The following STARD13 variants were observed in gnomAD, a reference collection of about 807,000 sequenced individuals.
STARD13 encodes the protein stAR-related lipid transfer protein 13.
In STARD13, 62 loss-of-function variants were observed where a neutral mutation model predicts 106.4. That is an observed-to-expected ratio of 0.58 (90% CI 0.48 to 0.72). The LOEUF (loss-of-function observed/expected upper bound fraction) is 0.72. STARD13 is among the 30% of genes least tolerant of loss of function. STARD13 has a pLI of 0.00. For missense variants in STARD13, 1,387 were observed against 1,424.0 expected (o/e 0.97, Z 0.42); for synonymous variants, 565 against 553.0 (o/e 1.02, Z -0.31).
At chr13:33,653,189 G>A in the STARD13 span, among the ~76,000 whole-genome samples, 2 of 152,088 alleles carry the variant, frequency 1.3e-5, no homozygotes, top group African/African-American at 2.4e-5. Context: ...TAAAATTCAC[G>A]GAGAAATTCA....
At chr13:33,370,243 A>C in the STARD13 span, among the ~76,000 whole-genome samples, 2 of 152,230 alleles carry the variant, frequency 1.3e-5, no homozygotes, top group South Asian at 4.1e-4. Flanking sequence ...AAACAGCTAT[A>C]CTAACCACCT....
intron 1 of STARD13, among the ~76,000 whole-genome samples, chr13:33,319,541 T>C (rs1331945101): frequency 6.6e-6 from 1 of 152,226 alleles, no homozygotes; most frequent in East Asian, 1.9e-4. Context: ...GAATTTTATC[T>C]AAAAATTTAT....
chr13:33,377,411 G>A, the STARD13 span, among the ~76,000 whole-genome samples: 1,434 of 152,182 alleles, frequency 9.4e-3, 27 homozygotes, highest in African/African-American at 0.032. Context: ...GATACTGAAT[G>A]GAAAAAATAC....
intron 1 of STARD13, among the ~76,000 whole-genome samples, chr13:33,349,783 C>A (rs956562883): frequency 2.0e-5 from 3 of 152,354 alleles, no homozygotes; most frequent in Non-Finnish European, 2.9e-5. Context: ...TCACATCCCC[C>A]CCTCTACCCC....
chr13:33,636,492 G>A, the STARD13 span, among the ~76,000 whole-genome samples: 5 of 152,166 alleles, frequency 3.3e-5, no homozygotes, highest in South Asian at 2.1e-4. Flanking sequence ...GGCATAAACC[G>A]GGACTCTCCC....
the STARD13 span, among the ~76,000 whole-genome samples, chr13:33,548,136 A>G: frequency 6.6e-6 from 1 of 152,180 alleles, no homozygotes; most frequent in Non-Finnish European, 1.5e-5. Flanking sequence ...TTGATAAGTA[A>G]TGCTAGGTGA....
the STARD13 span, among the ~76,000 whole-genome samples, chr13:33,541,666 C>T: frequency 1.3e-5 from 2 of 151,974 alleles, no homozygotes; most frequent in Admixed American, 1.3e-4. Flanking sequence ...CTGGCTTTTA[C>T]AAGGATTGTT....
At chr13:33,590,860 CA>C in the STARD13 span, among the ~76,000 whole-genome samples, 1 of 152,002 alleles carries the variant, frequency 6.6e-6, no homozygotes, top group South Asian at 2.1e-4. Context: ...TATAATTAAA[CA>C]AAAAAATAAT....
intron 1 of STARD13, among the ~76,000 whole-genome samples, chr13:33,225,061 G>A (rs1331846817): frequency 6.6e-6 from 1 of 151,952 alleles, no homozygotes; most frequent in Non-Finnish European, 1.5e-5. Context: ...AACTTTTTTG[G>A]ATGACAATAT....
the STARD13 span, among the ~76,000 whole-genome samples, chr13:33,554,653 T>C: frequency 6.6e-6 from 1 of 152,236 alleles, no homozygotes; most frequent in African/African-American, 2.4e-5. Context: ...TTAGGCACAC[T>C]GAAGATATAA....
At chr13:33,133,944 G>C (rs959760371) in intron 4 of STARD13, among the ~76,000 whole-genome samples, 1 of 150,460 alleles carries the variant, frequency 6.6e-6, no homozygotes, top group African/African-American at 2.4e-5. Flanking sequence ...GATTTCATCT[G>C]TTTGATAATT....
At chr13:33,588,224 A>G in the STARD13 span, among the ~76,000 whole-genome samples, 9 of 152,250 alleles carry the variant, frequency 5.9e-5, no homozygotes, top group Admixed American at 4.6e-4. Flanking sequence ...TACAGCCCCC[A>G]AAAAAGTACC....
At chr13:33,575,329 A>G in the STARD13 span, among the ~76,000 whole-genome samples, 1 of 152,186 alleles carries the variant, frequency 6.6e-6, no homozygotes, top group Non-Finnish European at 1.5e-5. Flanking sequence ...ATTTGGACAA[A>G]TTATTTTACC....
the STARD13 span, among the ~76,000 whole-genome samples, chr13:33,640,415 G>A: frequency 6.6e-6 from 1 of 152,148 alleles, no homozygotes; most frequent in Non-Finnish European, 1.5e-5. Context: ...TTATGAATCA[G>A]CTGAGGAAAA....
chr13:33,207,051 A>T (rs936698482), intron 1 of STARD13, among the ~76,000 whole-genome samples: 1 of 152,242 alleles, frequency 6.6e-6, no homozygotes, highest in Non-Finnish European at 1.5e-5. Flanking sequence ...TATTTTCAAC[A>T]ACAGAGAGAA....
At chr13:33,294,319 C>A (rs1311259026) in intron 1 of STARD13, among the ~76,000 whole-genome samples, 3 of 152,206 alleles carry the variant, frequency 2.0e-5, no homozygotes, top group African/African-American at 7.2e-5. Context: ...GCTATCCAAC[C>A]AGATGCAGTG....
chr13:33,604,583 G>C, the STARD13 span, among the ~76,000 whole-genome samples: 1 of 152,084 alleles, frequency 6.6e-6, no homozygotes, highest in African/African-American at 2.4e-5. Context: ...GATCACCTGA[G>C]GTCAGGAGTT....
At chr13:33,295,696 A>T (rs1031103338) in intron 1 of STARD13, among the ~76,000 whole-genome samples, 3 of 151,420 alleles carry the variant, frequency 2.0e-5, no homozygotes, top group African/African-American at 7.3e-5. Context: ...AGGTGTGCAG[A>T]GGGTGCCCGG....
chr13:33,499,532 TTC>T, the STARD13 span, among the ~76,000 whole-genome samples: 62 of 40,300 alleles, frequency 1.5e-3, 2 homozygotes, highest in African/African-American at 4.0e-3. Context: ...CTTCTTCTTC[TTC>T]TTCTTCTTCT....
Sources: gnomAD v4.1 joint callset for allele counts (sites outside exome capture counted in the v4.1 genomes callset) on GRCh38, gnomAD v4.1.1 for gene constraint, MANE v1.5 for transcripts, NCBI Gene and HGNC (gene_info 2026-07-23, HGNC 2026-07-21) for gene names.